The following MAP2K2 variants were observed in gnomAD, a reference collection of about 807,000 sequenced individuals.
MAP2K2 encodes the protein mitogen-activated protein kinase kinase 2, also known as dual specificity mitogen-activated protein kinase kinase 2.
Under a neutral mutation model 43.7 loss-of-function variants are expected in MAP2K2, and 24 were observed. The ratio of observed to expected loss-of-function variants is 0.55; its 90% CI spans 0.40 to 0.77. MAP2K2 has a LOEUF of 0.77. Ranked by LOEUF, MAP2K2 falls within the 30% of genes least tolerant of loss-of-function variation. The pLI is 0.00. For synonymous variants in MAP2K2, 244 were observed against 239.7 expected (o/e 1.02, Z -0.17); for missense variants, 470 against 566.8 (o/e 0.83, Z 1.73).
chr19:4,102,867 G>A lies in MAP2K2; in HGVS notation c.451-414C>T, dbSNP rs531241590. ...GGAGGCGGCCAGGCTGGAGACCAGC[G>A]TCTTGGGCCTGCGTCCTCTTCCCAG... On this transcript the variant is annotated intron_variant, in intron 3 of 10. Transcript: ENST00000262948. The A allele has an allele frequency of 2.1e-3, 2,536 of 1,182,248 alleles. 3 individuals are homozygous for A. The highest frequency in any genetic ancestry group is 2.5e-3 in the Non-Finnish European group (2,391 of 938,966). 73.2% of individuals were successfully genotyped at this position (1,182,248 alleles called of 1,614,324 possible). A position where few individuals can be genotyped will look rare whatever the true frequency, so the allele number is the denominator to read the frequency against.
intron 7 of MAP2K2, among the ~76,000 whole-genome samples, chr19:4,097,991 C>A (rs1257623712): frequency 6.6e-6 from 1 of 152,164 alleles, no homozygotes; most frequent in Non-Finnish European, 1.5e-5. Flanking sequence ...GACATCCCAG[C>A]AGTCTGGCTG....
At chr19:4,100,940 G>A (rs2040998142) in intron 6 of MAP2K2, 79 bp downstream of exon 6, 6 of 1,511,594 alleles carry the variant, frequency 4.0e-6, no homozygotes, top group Non-Finnish European at 2.7e-6. Context: ...GGGAGAGCTG[G>A]CTGGCAGAGC....
intron 6 of MAP2K2, 133 bp from the exon 7 acceptor site, chr19:4,099,547 C>G (rs1380163520): frequency 1.4e-6 from 1 of 739,614 alleles, no homozygotes; most frequent in Non-Finnish European, 2.3e-6. Context: ...AGAGCTGTTA[C>G]GCAATTCTAC....
chr19:4,105,841 T>C, intron 3 of MAP2K2, among the ~76,000 whole-genome samples: 1 of 151,924 alleles, frequency 6.6e-6, no homozygotes, highest in Non-Finnish European at 1.5e-5. Context: ...CCTGCTAATT[T>C]TTTGTAGAGA....
intron 3 of MAP2K2, chr19:4,102,716 G>T: frequency 8.0e-7 from 1 of 1,242,442 alleles, no homozygotes; most frequent in Non-Finnish European, 1.1e-6. Context: ...TGCGTGACTC[G>T]GCCCTCCTGA....
At chr19:4,122,916 C>CA (rs1568266291) in intron 1 of MAP2K2, among the ~76,000 whole-genome samples, 1 of 151,612 alleles carries the variant, frequency 6.6e-6, no homozygotes, top group African/African-American at 2.4e-5. Context: ...TACCCCATCT[C>CA]AGTCTCATTA....
At position 4,123,907 on chromosome 19, in the gene MAP2K2, T is replaced by C. The variant is rs2145090227; in HGVS notation, c.-32A>G. The C allele has an allele frequency of 3.0e-6, 4 of 1,330,036 alleles. No individual in the cohort carries two copies. The highest frequency in any genetic ancestry group is 3.9e-6 in the Non-Finnish European group (4 of 1,023,498). 82.4% of individuals were successfully genotyped at this position (1,330,036 alleles called of 1,614,324 possible). Reference sequence around the variant, plus strand: ...TCCGCGGGCCGGCGGCGGCGGCGCCTCTAGCCGGGGCCCATAGGGGGCGGG... The same window carrying C: ...TCCGCGGGCCGGCGGCGGCGGCGCCCCTAGCCGGGGCCCATAGGGGGCGGG... On this transcript the variant is annotated 5_prime_UTR_variant, in exon 1 of 11. Coordinates refer to ENST00000262948, the MANE Select transcript of MAP2K2 (RefSeq NM_030662.4).
chr19:4,107,919 A>G (rs951334235), intron 3 of MAP2K2, among the ~76,000 whole-genome samples: 1 of 152,164 alleles, frequency 6.6e-6, no homozygotes, highest in African/African-American at 2.4e-5. Flanking sequence ...AGAAGCGGCA[A>G]GAGTCCTGTC....
At chr19:4,116,769 A>T (rs939033270) in intron 2 of MAP2K2, among the ~76,000 whole-genome samples, 1 of 151,418 alleles carries the variant, frequency 6.6e-6, no homozygotes, top group African/African-American at 2.4e-5. Flanking sequence ...CTCTACTAAA[A>T]ACACAAAAAA....
chr19:4,110,000 G>A (rs918672778), intron 3 of MAP2K2, among the ~76,000 whole-genome samples: 1 of 152,218 alleles, frequency 6.6e-6, no homozygotes, highest in South Asian at 2.1e-4. Flanking sequence ...GAAGACATGA[G>A]TGCTTAAAAA....
intron 10 of MAP2K2, among the ~76,000 whole-genome samples, chr19:4,093,297 G>A (rs911493338): frequency 2.0e-4 from 31 of 152,320 alleles, no homozygotes; most frequent in African/African-American, 7.0e-4. Context: ...TGCTCAGGAG[G>A]CTGAGTGGGA....
At chr19:4,098,915 A>G (rs2040959576) in intron 7 of MAP2K2, among the ~76,000 whole-genome samples, 1 of 152,244 alleles carries the variant, frequency 6.6e-6, no homozygotes, top group South Asian at 2.1e-4. Context: ...ATGTTGGAAA[A>G]TCCAACTGCC....
intron 2 of MAP2K2, among the ~76,000 whole-genome samples, chr19:4,111,987 C>CAA (rs201773373): frequency 0.038 from 5,825 of 151,506 alleles, 404 homozygotes; most frequent in African/African-American, 0.14. Flanking sequence ...ACAACAACAA[C>CAA]AACAACAACA....
In MAP2K2 at chr19:4,101,348, G is replaced by T; in HGVS notation, c.529-68C>A. 1 of 1,512,292 alleles carries T rather than the reference G, an allele frequency of 6.6e-7. No individual in the cohort carries two copies. The highest frequency in any genetic ancestry group is 9.0e-7 in the Non-Finnish European group (1 of 1,112,318). The allele number at this position is 1,512,292 out of a possible 1,614,324, so 93.7% of individuals were successfully genotyped here. A position where few individuals can be genotyped will look rare whatever the true frequency, so the allele number is the denominator to read the frequency against. On this transcript the variant is annotated intron_variant, in intron 4 of 10. Coordinates refer to ENST00000262948, the MANE Select transcript of MAP2K2 (RefSeq NM_030662.4). The surrounding 1 kb of genome is among the most constrained non-coding windows in gnomAD (Gnocchi z 6.3). ...GGCTTAGCTCCTGACCGAGCCCGGG[G>T]GTCAGAGCTGAGCAGTCAGAGCTGG...
intron 7 of MAP2K2, 24 bp downstream of exon 7, chr19:4,099,177 G>C (rs761149397): frequency 1.3e-6 from 2 of 1,582,574 alleles, no homozygotes; most frequent in South Asian, 1.1e-5. Flanking sequence ...CGTCCAGACC[G>C]GAAGTTGCAG....
chr19:4,094,951 G>A (rs760409814), intron 9 of MAP2K2: 16 of 352,634 alleles, frequency 4.5e-5, no homozygotes, highest in Non-Finnish European at 8.5e-5. Flanking sequence ...CTCCTTCCCC[G>A]TGGTCTGCGG....
At position 4,098,988 on chromosome 19, in the gene MAP2K2, GC is replaced by G. The variant is rs534297127; in HGVS notation, c.919+212del. Among the ~76,000 whole-genome samples, 5 of 152,370 alleles carry G rather than the reference GC, an allele frequency of 3.3e-5. No individual in the cohort carries two copies. The South Asian group carries it at 1.0e-3, about 32-fold the overall frequency. ...CCAGCTGGCAACAACAGGTGCAGCT[GC>G]CCCGGACAGAACAGGTTTGGGGTGC... On this transcript the variant is annotated intron_variant, in intron 7 of 10. Transcript: ENST00000262948.
In MAP2K2 at chr19:4,094,453, T is replaced by G. The variant is rs779378237; in HGVS notation, c.1092A>C (p.Thr364=). 8 of 1,562,860 alleles carry G rather than the reference T, an allele frequency of 5.1e-6. No homozygotes were observed. The highest frequency in any genetic ancestry group is 2.3e-5 in the East Asian group (1 of 42,584). The change falls in exon 10 of 11, where the codon ACA becomes ACC. Residue 364 remains threonine (T), a splice_region_variant and synonymous_variant. Coordinates refer to ENST00000262948, the MANE Select transcript of MAP2K2 (RefSeq NM_030662.4). ...PAERADLKML[T]NHTFIKRSEV... ...CCCAGAACCCGCTGGCATCACTCAC[T>G]GTGAGCATCTTCAGGTCCGCCCGCT...
intron 7 of MAP2K2, among the ~76,000 whole-genome samples, chr19:4,098,993 G>A (rs1465307423): frequency 1.3e-5 from 2 of 152,234 alleles, no homozygotes; most frequent in Non-Finnish European, 2.9e-5. Context: ...CAGCTGCCCC[G>A]GACAGAACAG....
Sources: allele counts gnomAD v4.1 joint callset (sites outside exome capture counted in the v4.1 genomes callset), GRCh38; gene constraint gnomAD v4.1.1; non-coding constraint Gnocchi (gnomAD v3.1); transcripts MANE v1.5; gene names NCBI Gene and HGNC (gene_info 2026-07-23, HGNC 2026-07-21).